SPRR1A: variants seen among roughly 807,000 people sequenced by gnomAD.
The protein encoded by SPRR1A is small proline rich protein 1A, also known as cornifin-A.
For missense variants in SPRR1A, 123 were observed against 105.4 expected (o/e 1.17, Z -0.73); for synonymous variants, 40 against 39.2 (o/e 1.02, Z -0.07).
At chr1:152,985,478 A>C (rs773973058) in exon 1 of SPRR1A, 1 of 1,613,570 alleles carries the variant, frequency 6.2e-7, no homozygotes, top group South Asian at 1.1e-5. Context: ...GCACCAGCCC[A>C]GCAGAAGACC....
At chr1:152,985,490 A>C (rs760474873) in exon 1 of SPRR1A, 1 of 1,613,068 alleles carries the variant, frequency 6.2e-7, no homozygotes, top group Non-Finnish European at 8.5e-7. Flanking sequence ...CAGAAGACCA[A>C]GCAGAAGTAA....
At chr1:152,985,356 C>A (rs1611762) in exon 1 of SPRR1A, 819,249 of 1,587,684 alleles carry the variant, frequency 0.52, 193,893 homozygotes, top group East Asian at 0.62. Context: ...AGCCCTGCCA[C>A]CCCAAGGTGC....
upstream of SPRR1A, among the ~76,000 whole-genome samples, chr1:152,985,016 A>C (rs986727454): frequency 2.0e-5 from 3 of 152,270 alleles, no homozygotes; most frequent in Admixed American, 6.5e-5. Context: ...ATGGAGCAGA[A>C]GAAATTGCCT....
upstream of SPRR1A, among the ~76,000 whole-genome samples, chr1:152,984,891 A>C (rs1480764703): frequency 6.6e-6 from 1 of 152,210 alleles, no homozygotes; most frequent in Non-Finnish European, 1.5e-5. Context: ...ATTTTCCAAA[A>C]GACCTAATAT....
upstream of SPRR1A, among the ~76,000 whole-genome samples, chr1:152,984,297 AG>A (rs1418059438): frequency 6.6e-6 from 1 of 152,198 alleles, no homozygotes. Flanking sequence ...AAAGGACCTT[AG>A]AGATGGTTAG....
exon 1 of SPRR1A, chr1:152,985,231 A>G: frequency 6.2e-7 from 1 of 1,602,624 alleles, no homozygotes; most frequent in Non-Finnish European, 8.5e-7. Flanking sequence ...CATTTGAAGC[A>G]TGAATTCTCA....
exon 1 of SPRR1A, chr1:152,985,494 G>C (rs763667175): frequency 6.2e-7 from 1 of 1,612,402 alleles, no homozygotes. Context: ...AGACCAAGCA[G>C]AAGTAATGTG....
At chr1:152,985,480 C>A (rs1652284836) in exon 1 of SPRR1A, 12 of 1,613,338 alleles carry the variant, frequency 7.4e-6, no homozygotes, top group Admixed American at 6.7e-5. Context: ...ACCAGCCCAG[C>A]AGAAGACCAA....
At chr1:152,985,629 T>C, downstream of SPRR1A, 1 of 1,445,382 alleles carries the variant, frequency 6.9e-7, no homozygotes. Flanking sequence ...TCATAATCGC[T>C]CCTTTGCACC....
exon 1 of SPRR1A, chr1:152,985,290 G>C (rs1652273565): frequency 6.2e-7 from 1 of 1,613,804 alleles, no homozygotes; most frequent in Non-Finnish European, 8.5e-7. Flanking sequence ...AGCAGCAGCA[G>C]GTGAAACAAC....
At chr1:152,984,087 C>G (rs1314365410), upstream of SPRR1A, among the ~76,000 whole-genome samples, 2 of 152,108 alleles carry the variant, frequency 1.3e-5, no homozygotes, top group African/African-American at 4.8e-5. Flanking sequence ...TCACACCAAA[C>G]CCAAGGGACC....
At chr1:152,985,361 A>T in exon 1 of SPRR1A, 1 of 1,564,104 alleles carries the variant, frequency 6.4e-7, no homozygotes, top group East Asian at 2.3e-5. Context: ...TGCCACCCCA[A>T]GGTGCCTGAG....
upstream of SPRR1A, among the ~76,000 whole-genome samples, chr1:152,984,708 T>C (rs1652254006): frequency 6.6e-6 from 1 of 151,930 alleles, no homozygotes; most frequent in Non-Finnish European, 1.5e-5. Flanking sequence ...TCAAGTGATG[T>C]GAGCTATGAT....
downstream of SPRR1A, among the ~76,000 whole-genome samples, chr1:152,985,659 C>T (rs1248997967): frequency 5.9e-5 from 9 of 152,156 alleles, no homozygotes; most frequent in Non-Finnish European, 1.0e-4. Flanking sequence ...ATGTCCCTTA[C>T]CCTCATTCTG....
At chr1:152,985,602 C>T, downstream of SPRR1A, 1 of 1,508,962 alleles carries the variant, frequency 6.6e-7, no homozygotes, top group East Asian at 2.3e-5. Context: ...CTGCAGTTAG[C>T]ATGCTGTCAC....
At chr1:152,984,301 A>G (rs992879338), upstream of SPRR1A, among the ~76,000 whole-genome samples, 9 of 152,120 alleles carry the variant, frequency 5.9e-5, no homozygotes, top group African/African-American at 9.7e-5. Flanking sequence ...GACCTTAGAG[A>G]TGGTTAGGGC....
chr1:152,985,433 A>G, exon 1 of SPRR1A: 1 of 1,607,472 alleles, frequency 6.2e-7, no homozygotes, highest in Non-Finnish European at 8.5e-7. Flanking sequence ...TGCCAGCCCA[A>G]GGTGCCTGAG....
downstream of SPRR1A, chr1:152,985,558 CA>C: frequency 6.5e-7 from 1 of 1,548,092 alleles, no homozygotes; most frequent in South Asian, 1.3e-5. Context: ...CACCCTACTC[CA>C]TTCTGCTTAT....
chr1:152,985,397 C>T, exon 1 of SPRR1A: 1 of 1,564,730 alleles, frequency 6.4e-7, no homozygotes, highest in Admixed American at 1.7e-5. Context: ...GTGCCTGAGC[C>T]CTGCCAGCCC....
Sources: allele counts gnomAD v4.1 joint callset (sites outside exome capture counted in the v4.1 genomes callset), GRCh38; gene constraint gnomAD v4.1.1; transcripts MANE v1.5; gene names NCBI Gene and HGNC (gene_info 2026-07-23, HGNC 2026-07-21).